Variants in SLC30A7 observed in about 807,000 individuals in gnomAD.
SLC30A7 encodes solute carrier family 30 member 7, also known as zinc transporter 7.
A neutral mutation model predicts 46.0 loss-of-function variants in SLC30A7; 35 were observed. The ratio of observed to expected loss-of-function variants is 0.76; its 90% CI spans 0.58 to 1.01. The LOEUF (loss-of-function observed/expected upper bound fraction) is 1.01. Ranked by LOEUF, SLC30A7 falls within the 50% of genes least tolerant of loss-of-function variation. The pLI is 0.00. For synonymous variants in SLC30A7, 147 were observed against 157.8 expected, an observed-to-expected ratio of 0.93 and a Z score of 0.51; for missense variants, 464 against 451.1, an observed-to-expected ratio of 1.03 and a Z score of -0.26.
chr1:100,903,151 C>G (rs1274091779), intron 2 of SLC30A7, among the ~76,000 whole-genome samples: 1 of 151,994 alleles, frequency 6.6e-6, no homozygotes, highest in Non-Finnish European at 1.5e-5. Flanking sequence ...ATTTAGCTCC[C>G]AAAATTGACT....
At chr1:100,935,531 C>T (rs1314562998) in intron 8 of SLC30A7, among the ~76,000 whole-genome samples, 1 of 152,142 alleles carries the variant, frequency 6.6e-6, no homozygotes, top group Non-Finnish European at 1.5e-5. Flanking sequence ...TTTTGGCTAT[C>T]ACCTATGCAC....
chr1:100,991,217 A>G, the SLC30A7 span, among the ~76,000 whole-genome samples: 1 of 152,214 alleles, frequency 6.6e-6, no homozygotes, highest in Non-Finnish European at 1.5e-5. Flanking sequence ...ATTTGGCACT[A>G]TTTATGTTTT....
chr1:100,964,534 A>T (rs993088123), intron 9 of SLC30A7, among the ~76,000 whole-genome samples: 1 of 152,022 alleles, frequency 6.6e-6, no homozygotes, highest in African/African-American at 2.4e-5. Context: ...TCAGGATTCT[A>T]ATCCACGTCA....
chr1:100,970,761 T>C (rs1208256500), intron 10 of SLC30A7, among the ~76,000 whole-genome samples: 3 of 151,894 alleles, frequency 2.0e-5, no homozygotes, highest in Non-Finnish European at 4.4e-5. Context: ...TAGTATTTGT[T>C]AATTTTTTTA....
In SLC30A7 at chr1:100,918,138, C is replaced by G; in HGVS notation, c.706+11C>G. The G allele has an allele frequency of 6.2e-7, 1 of 1,608,642 alleles. No individual in the cohort carries two copies. The highest frequency in any genetic ancestry group is 8.5e-7 in the Non-Finnish European group (1 of 1,176,244). On this transcript the variant is annotated intron_variant, in intron 7 of 10. Transcript: ENST00000357650. ...GACAGATTTTACAAGGTATGACAAGCAATTTTTATGTTTCTTAGTTTTTTG... is the reference window on the plus strand; with the variant it reads ...GACAGATTTTACAAGGTATGACAAGGAATTTTTATGTTTCTTAGTTTTTTG...
chr1:100,917,125 T>C (rs773819489), intron 6 of SLC30A7, among the ~76,000 whole-genome samples: 2 of 152,206 alleles, frequency 1.3e-5, no homozygotes, highest in Non-Finnish European at 2.9e-5. Flanking sequence ...ACAGTTACAC[T>C]GGTATGCTTT....
chr1:100,966,233 A>G (rs1655858060), intron 10 of SLC30A7, among the ~76,000 whole-genome samples: 1 of 151,580 alleles, frequency 6.6e-6, no homozygotes, highest in African/African-American at 2.4e-5. Flanking sequence ...TCAAAAAAAA[A>G]AAATTGCCAT....
chr1:100,984,420 G>A (rs1026759112), downstream of SLC30A7, among the ~76,000 whole-genome samples: 3 of 152,220 alleles, frequency 2.0e-5, no homozygotes, highest in Non-Finnish European at 4.4e-5. Flanking sequence ...ATCTCATAAA[G>A]TTGTTTATGA....
chr1:100,932,143 G>A lies in SLC30A7; in HGVS notation c.842+10302G>A, dbSNP rs192563188. On this transcript the variant is annotated intron_variant, in intron 8 of 10. Transcript: ENST00000357650. ...AAAAAACTGCTTAATGGCTGGGCACGGTTGCTCATGCCTGTAATCCCAGCA... is the reference window on the plus strand; with the variant it reads ...AAAAAACTGCTTAATGGCTGGGCACAGTTGCTCATGCCTGTAATCCCAGCA... Among the ~76,000 whole-genome samples, 14 of 152,266 alleles carry A rather than the reference G, an allele frequency of 9.2e-5. No homozygotes were observed. In the East Asian group the frequency reaches 2.7e-3, roughly 29 times the overall value.
At chr1:100,915,839 A>G (rs1314463650) in intron 6 of SLC30A7, among the ~76,000 whole-genome samples, 2 of 151,808 alleles carry the variant, frequency 1.3e-5, no homozygotes, top group African/African-American at 2.4e-5. Flanking sequence ...TTTTTTGAGG[A>G]CCCTCCATAC....
chr1:100,902,703 C>A (rs1330432371), intron 2 of SLC30A7, among the ~76,000 whole-genome samples: 1 of 152,204 alleles, frequency 6.6e-6, no homozygotes, highest in Non-Finnish European at 1.5e-5. Flanking sequence ...GTAGGAGCAT[C>A]ACCTGATCTC....
At chr1:100,923,174 G>A (rs1653065059) in intron 8 of SLC30A7, among the ~76,000 whole-genome samples, 1 of 136,644 alleles carries the variant, frequency 7.3e-6, no homozygotes, top group South Asian at 2.4e-4. Context: ...CCGCCACCTC[G>A]CCCGGCTAAT....
intron 3 of SLC30A7, among the ~76,000 whole-genome samples, chr1:100,910,332 T>C (rs1485967515): frequency 2.0e-5 from 3 of 152,060 alleles, no homozygotes; most frequent in African/African-American, 7.2e-5. Flanking sequence ...AAATATACGA[T>C]ACAGAAAAAT....
rs1417764391 is a variant in SLC30A7, at chr1:100,965,754, TC to T, written c.934-13del. On this transcript the variant is annotated splice_polypyrimidine_tract_variant and intron_variant, in intron 9 of 10. Coordinates refer to ENST00000357650, the MANE Select transcript of SLC30A7 (RefSeq NM_133496.5). ...AACTTGATTATGATGTTAATATCTC[TC>T]CTTTATATTTCAGGTACAGCAGTTG... 1 of 1,609,584 alleles carries T rather than the reference TC, an allele frequency of 6.2e-7. No homozygotes were observed. The highest frequency in any genetic ancestry group is 1.7e-5 in the Admixed American group (1 of 60,012).
chr1:100,944,166 AG>A (rs1654496606), intron 8 of SLC30A7, among the ~76,000 whole-genome samples: 1 of 152,066 alleles, frequency 6.6e-6, no homozygotes, highest in Non-Finnish European at 1.5e-5. Context: ...CTCCTACTTC[AG>A]CCTCCCAAGT....
intron 2 of SLC30A7, among the ~76,000 whole-genome samples, chr1:100,897,931 A>T (rs1651071931): frequency 6.6e-6 from 1 of 152,190 alleles, no homozygotes. Context: ...AACACACTTT[A>T]ATATACTGTA....
downstream of SLC30A7, among the ~76,000 whole-genome samples, chr1:100,984,851 C>T (rs1313328211): frequency 6.6e-6 from 1 of 152,126 alleles, no homozygotes; most frequent in African/African-American, 2.4e-5. Flanking sequence ...TAACAAAGAC[C>T]TTAAAGCAGA....
At chr1:100,908,602 A>G (rs931535002) in intron 3 of SLC30A7, among the ~76,000 whole-genome samples, 20 of 152,202 alleles carry the variant, frequency 1.3e-4, no homozygotes, top group African/African-American at 4.6e-4. Context: ...CTATATATCT[A>G]TAAATTCAAA....
At chr1:100,982,540 G>A (rs377407457), downstream of SLC30A7, among the ~76,000 whole-genome samples, 15 of 152,266 alleles carry the variant, frequency 9.9e-5, no homozygotes, top group East Asian at 2.7e-3. Context: ...ACTAAGCAAT[G>A]CCCTGTCACC....
Sources: allele counts gnomAD v4.1 joint callset (sites outside exome capture counted in the v4.1 genomes callset), GRCh38; gene constraint gnomAD v4.1.1; transcripts MANE v1.5; gene names NCBI Gene and HGNC (gene_info 2026-07-23, HGNC 2026-07-21).